The following KCNH7 variants were observed in gnomAD, a reference collection of about 807,000 sequenced individuals.
KCNH7 encodes the protein potassium voltage-gated channel subfamily H member 7.
A neutral mutation model predicts 120.8 loss-of-function variants in KCNH7; 49 were observed. The observed-to-expected ratio is 0.41, with a 90% CI of 0.32 to 0.51. The LOEUF is 0.51. Ranked by LOEUF, KCNH7 falls within the 20% of genes least tolerant of loss-of-function variation. The pLI is 0.38. For synonymous variants in KCNH7, 547 were observed against 516.1 expected (o/e 1.06, Z -0.81); for missense variants, 1,097 against 1,446.6 (o/e 0.76, Z 3.92).
intron 9 of KCNH7, among the ~76,000 whole-genome samples, chr2:162,406,455 T>C (rs1173116553): frequency 6.6e-6 from 1 of 151,950 alleles, no homozygotes; most frequent in Non-Finnish European, 1.5e-5. Context: ...GGCAAATGAC[T>C]CCTCTAAATA....
intron 3 of KCNH7, among the ~76,000 whole-genome samples, chr2:162,533,257 G>A (rs149366112): frequency 1.5e-4 from 23 of 151,654 alleles, no homozygotes; most frequent in African/African-American, 2.2e-4. Context: ...ACATAATGAA[G>A]TACTTCAAGA....
intron 2 of KCNH7, among the ~76,000 whole-genome samples, chr2:162,670,369 G>C (rs1267326217): frequency 6.7e-6 from 1 of 149,888 alleles, no homozygotes; most frequent in East Asian, 2.0e-4. Flanking sequence ...AGCTACTCGG[G>C]AGTCTGAGGC....
At chr2:162,594,896 A>T (rs1490486267) in intron 2 of KCNH7, among the ~76,000 whole-genome samples, 1 of 152,032 alleles carries the variant, frequency 6.6e-6, no homozygotes, top group African/African-American at 2.4e-5. Flanking sequence ...CCAAGAGACA[A>T]TTACACTAGC....
chr2:162,487,337 G>T (rs559800934), intron 6 of KCNH7, among the ~76,000 whole-genome samples: 1 of 152,282 alleles, frequency 6.6e-6, no homozygotes, highest in Non-Finnish European at 1.5e-5. Context: ...ACTACAGAAT[G>T]AAAAGGTTGT....
At chr2:162,619,433 GC>G (rs1241588609) in intron 2 of KCNH7, among the ~76,000 whole-genome samples, 3 of 149,802 alleles carry the variant, frequency 2.0e-5, no homozygotes, top group African/African-American at 7.4e-5. Flanking sequence ...ATAAGAATTG[GC>G]CCCTTGGTCC....
At chr2:162,535,987 A>T (rs1002001859) in intron 3 of KCNH7, among the ~76,000 whole-genome samples, 13 of 151,782 alleles carry the variant, frequency 8.6e-5, no homozygotes, top group African/African-American at 3.1e-4. Context: ...TTAACTGTAT[A>T]CTCTGCACTA....
chr2:162,455,486 TG>T (rs1211777746), intron 6 of KCNH7, among the ~76,000 whole-genome samples: 1 of 152,202 alleles, frequency 6.6e-6, no homozygotes, highest in Admixed American at 6.5e-5. Flanking sequence ...CTTTTTCTGT[TG>T]TTTGGAATAG....
chr2:162,480,879 C>G (rs570728088), intron 6 of KCNH7, among the ~76,000 whole-genome samples: 6 of 152,052 alleles, frequency 3.9e-5, no homozygotes, highest in African/African-American at 1.4e-4. Context: ...GTTAAGAGAT[C>G]GGAGCTGTCT....
chr2:162,733,269 T>C (rs1687789898), intron 2 of KCNH7, among the ~76,000 whole-genome samples: 1 of 152,220 alleles, frequency 6.6e-6, no homozygotes, highest in African/African-American at 2.4e-5. Context: ...GTCTATATTT[T>C]GTCTTCTTTA....
intron 2 of KCNH7, among the ~76,000 whole-genome samples, chr2:162,786,916 G>A (rs994091337): frequency 2.6e-5 from 4 of 152,212 alleles, no homozygotes; most frequent in Non-Finnish European, 4.4e-5. Context: ...AGCGAAGCAC[G>A]AGAATAAGAA....
At chr2:162,530,212 C>T (rs776443636) in intron 3 of KCNH7, among the ~76,000 whole-genome samples, 1 of 151,954 alleles carries the variant, frequency 6.6e-6, no homozygotes, top group Non-Finnish European at 1.5e-5. Context: ...ATCATAATGC[C>T]TTTTTATAAT....
intron 2 of KCNH7, among the ~76,000 whole-genome samples, chr2:162,594,603 G>C (rs1455692764): frequency 6.6e-6 from 1 of 151,992 alleles, no homozygotes; most frequent in Admixed American, 6.6e-5. Context: ...CACATCCATA[G>C]ATTAAGTAAA....
intron 13 of KCNH7, among the ~76,000 whole-genome samples, chr2:162,383,841 C>T (rs574329232): frequency 1.4e-4 from 21 of 151,728 alleles, no homozygotes; most frequent in African/African-American, 4.6e-4. Context: ...ACCATAACCT[C>T]GTTGGTTAGA....
rs1302413851 is a variant in KCNH7 at position 162,569,631 on chromosome 2, A to G, written c.308-32551T>C. Among the ~76,000 whole-genome samples the G allele has an allele frequency of 1.2e-4, 18 of 149,528 alleles. No individual in the cohort carries two copies. In the South Asian group the frequency reaches 1.9e-3, roughly 16 times the overall value. On this transcript the variant is annotated intron_variant, in intron 2 of 15. Transcript: ENST00000332142. The stretch of plus-strand genomic sequence containing the variant: ...TTTTAATTGTGATGTTAGGGTGTCA[A>G]TTTTGGATCTTTCCTGCTTTCTCTT...
chr2:162,589,799 A>G (rs111978184), intron 2 of KCNH7, among the ~76,000 whole-genome samples: 21 of 152,258 alleles, frequency 1.4e-4, no homozygotes, highest in African/African-American at 4.6e-4. Flanking sequence ...GTGGCTTCTA[A>G]TACAAAAAGT....
intron 2 of KCNH7, among the ~76,000 whole-genome samples, chr2:162,582,242 A>G (rs752139892): frequency 2.0e-5 from 3 of 152,078 alleles, no homozygotes; most frequent in Admixed American, 6.6e-5. Flanking sequence ...TTTGCTGCCC[A>G]AAAACATTAA....
intron 6 of KCNH7, among the ~76,000 whole-genome samples, chr2:162,451,532 C>T (rs545381728): frequency 2.0e-5 from 3 of 152,048 alleles, no homozygotes; most frequent in African/African-American, 4.8e-5. Flanking sequence ...AATTTTTCTT[C>T]TCCACAGAAT....
chr2:162,775,732 C>A (rs1459225918), intron 2 of KCNH7, among the ~76,000 whole-genome samples: 1 of 152,128 alleles, frequency 6.6e-6, no homozygotes, highest in African/African-American at 2.4e-5. Flanking sequence ...ATTTCATTTT[C>A]TTGTTTTTAA....
rs781506112 is a variant in KCNH7 at position 162,394,413 on chromosome 2, A to G, written c.2686T>C (p.Ser896Pro). Residue 896 changes from serine to proline, a missense_variant, in exon 12 of 16, where the codon TCA becomes CCA. This residue lies in a region of KCNH7 where 406 missense variants were observed against 410.5 expected (regional missense o/e 0.99). Transcript: ENST00000332142. ...DNCKLRRRKL[S>P]FESEGEKENS... is the part of the protein sequence containing the mutation. ...CCTTTCTCTCCTTCACTTTCAAATG[A>G]CAATTTCCTTCTTCTTAGTTTACAG... 3 of 1,596,170 alleles carry G rather than the reference A, an allele frequency of 1.9e-6. No individual in the cohort carries two copies. Among genetic ancestry groups the G allele is most frequent in the Non-Finnish European group, 2.6e-6 (3 of 1,164,614 alleles).
Sources: allele counts gnomAD v4.1 joint callset (sites outside exome capture counted in the v4.1 genomes callset), GRCh38; gene constraint gnomAD v4.1.1; regional missense constraint gnomAD v4.1.1; transcripts MANE v1.5; gene names NCBI Gene and HGNC (gene_info 2026-07-23, HGNC 2026-07-21).